Variants in GOLM1 observed in about 807,000 individuals in gnomAD.
GOLM1 encodes the protein golgi membrane protein 1, also known as epididymis luminal protein 46.
In GOLM1, 31 loss-of-function variants were observed where a neutral mutation model predicts 50.5. The observed-to-expected ratio is 0.61, with a 90% CI of 0.46 to 0.83. GOLM1 has a LOEUF of 0.83. Among genes scored for constraint, GOLM1 ranks in the 40% least tolerant of loss-of-function variants. The pLI is 0.00. For missense variants in GOLM1, 491 were observed against 501.3 expected (o/e 0.98, Z 0.20); for synonymous variants, 178 against 192.8 (o/e 0.92, Z 0.64).
chr9:86,063,757 C>A (rs560146722), intron 3 of GOLM1, among the ~76,000 whole-genome samples: 28 of 152,308 alleles, frequency 1.8e-4, no homozygotes, highest in Non-Finnish European at 3.5e-4. Flanking sequence ...AACAGCAAAA[C>A]CCAAAGCCTC....
intron 1 of GOLM1, among the ~76,000 whole-genome samples, chr9:86,099,126 G>A (rs1168499432): frequency 2.0e-5 from 3 of 152,188 alleles, no homozygotes; most frequent in African/African-American, 4.8e-5. Context: ...GAGACTGCAG[G>A]GCAGGGAATC....
At chr9:86,054,071 TCA>T (rs933074099) in intron 3 of GOLM1, among the ~76,000 whole-genome samples, 3 of 152,174 alleles carry the variant, frequency 2.0e-5, no homozygotes, top group South Asian at 2.1e-4. Flanking sequence ...CTGGAGGGTT[TCA>T]CACACAGTCT....
chr9:86,073,249 A>G (rs1265175619), intron 3 of GOLM1, among the ~76,000 whole-genome samples: 1 of 152,074 alleles, frequency 6.6e-6, no homozygotes, highest in Non-Finnish European at 1.5e-5. Context: ...ATGTATGAAT[A>G]TGTGTATGTT....
intron 3 of GOLM1, 38 bp from the exon 4 acceptor site, chr9:86,052,629 A>G: frequency 1.3e-6 from 2 of 1,575,766 alleles, no homozygotes; most frequent in Non-Finnish European, 1.7e-6. Flanking sequence ...CACCCAAACC[A>G]ACACCTCAGC....
At chr9:86,059,658 G>T (rs2118777430) in intron 3 of GOLM1, among the ~76,000 whole-genome samples, 1 of 152,180 alleles carries the variant, frequency 6.6e-6, no homozygotes, top group East Asian at 1.9e-4. Context: ...ACTTTGGGAG[G>T]CCGAGGTGGG....
intron 3 of GOLM1, among the ~76,000 whole-genome samples, chr9:86,060,912 A>AAAGAAG (rs766112636): frequency 7.8e-5 from 6 of 76,574 alleles, no homozygotes; most frequent in African/African-American, 1.2e-4. Flanking sequence ...AAAAAAAAAA[A>AAAGAAG]AAGAAGAAGA....
chr9:86,070,086 T>C (rs1834404724), intron 3 of GOLM1, among the ~76,000 whole-genome samples: 1 of 151,768 alleles, frequency 6.6e-6, no homozygotes, highest in South Asian at 2.1e-4. Context: ...GGTTTCACCA[T>C]GTTGGCGAGG....
Position 86,027,519 on chromosome 9 carries a change from C to A in GOLM1, c.*298G>T. 6.0e-6 allele frequency: 7 copies of A among 1,174,436 alleles called. No individual in the cohort carries two copies. The highest frequency in any genetic ancestry group is 7.4e-6 in the Non-Finnish European group (7 of 949,246). 72.8% of individuals were successfully genotyped at this position (1,174,436 alleles called of 1,614,324 possible). ...GTTATATTCCAGAATCAGGAAGCCC[C>A]GCTGTCGCCAACACTTGAAGGAGAA... On this transcript the variant is annotated 3_prime_UTR_variant, in exon 10 of 10. Coordinates refer to ENST00000388712, the MANE Select transcript of GOLM1 (RefSeq NM_016548.4).
In GOLM1 at chr9:86,026,652, C is replaced by CAGTT; in HGVS notation, c.*1161_*1164dup. 1.0e-6 allele frequency: 1 copy of CAGTT among 984,776 alleles called. No individual in the cohort carries two copies. The highest frequency in any genetic ancestry group is 1.2e-6 in the Non-Finnish European group (1 of 829,478). 61.0% of individuals were successfully genotyped at this position (984,776 alleles called of 1,614,324 possible). A position where few individuals can be genotyped will look rare whatever the true frequency, so the allele number is the denominator to read the frequency against. ...GGAAGTCAGTCATTAATGATGTGGCCAGTTATTTGCAAGTGGTAAGAGCCT... is the reference window on the plus strand; with the variant it reads ...GGAAGTCAGTCATTAATGATGTGGCCAGTTAGTTATTTGCAAGTGGTAAGAGCCT... On this transcript the variant is annotated 3_prime_UTR_variant, in exon 10 of 10. Coordinates refer to ENST00000388712, the MANE Select transcript of GOLM1 (RefSeq NM_016548.4).
At chr9:86,091,788 T>C (rs747953381) in intron 1 of GOLM1, among the ~76,000 whole-genome samples, 2 of 152,180 alleles carry the variant, frequency 1.3e-5, no homozygotes, top group Non-Finnish European at 2.9e-5. Flanking sequence ...GTGGGGTATA[T>C]TATAAATTTG....
chr9:86,028,170 C>T (rs1045063158), intron 9 of GOLM1, among the ~76,000 whole-genome samples: 1 of 152,160 alleles, frequency 6.6e-6, no homozygotes, highest in African/African-American at 2.4e-5. Context: ...ACAAGGACTC[C>T]TGTCTTCTTG....
chr9:86,099,876 T>A (rs1454009356), upstream of GOLM1: 1 of 152,114 alleles, frequency 6.6e-6, no homozygotes, highest in African/African-American at 2.4e-5. Flanking sequence ...GGAGCCCCCA[T>A]CCCACGTTCC....
intron 1 of GOLM1, among the ~76,000 whole-genome samples, chr9:86,080,649 G>C (rs960204685): frequency 1.3e-5 from 2 of 152,122 alleles, no homozygotes; most frequent in African/African-American, 4.8e-5. Flanking sequence ...CTACTAGTAT[G>C]GGGGCCTGCC....
chr9:86,059,146 A>G (rs1307620931), intron 3 of GOLM1, among the ~76,000 whole-genome samples: 1 of 152,240 alleles, frequency 6.6e-6, no homozygotes, highest in African/African-American at 2.4e-5. Flanking sequence ...AGTTTCTCAA[A>G]AAGTTCAACA....
intron 3 of GOLM1, among the ~76,000 whole-genome samples, chr9:86,058,691 GTC>G (rs1227922250): frequency 7.5e-5 from 8 of 107,188 alleles, no homozygotes; most frequent in African/African-American, 3.4e-4. Context: ...GCAAGACTCT[GTC>G]TCAAAAAAAA....
At chr9:86,082,574 G>T (rs1286526978) in intron 1 of GOLM1, among the ~76,000 whole-genome samples, 5 of 151,950 alleles carry the variant, frequency 3.3e-5, no homozygotes. Flanking sequence ...CCAAGTAGCT[G>T]GGACTACAGG....
At chr9:86,037,982 C>T (rs1833202785) in intron 6 of GOLM1, among the ~76,000 whole-genome samples, 1 of 151,880 alleles carries the variant, frequency 6.6e-6, no homozygotes, top group Admixed American at 6.6e-5. Flanking sequence ...TGGAGAAACC[C>T]CGATATACTA....
intron 1 of GOLM1, among the ~76,000 whole-genome samples, chr9:86,093,248 G>A (rs1835239033): frequency 6.6e-6 from 1 of 152,020 alleles, no homozygotes; most frequent in Admixed American, 6.6e-5. Flanking sequence ...ATGGTGGTGT[G>A]TGCCTGTAAT....
intron 3 of GOLM1, among the ~76,000 whole-genome samples, chr9:86,057,207 G>A (rs1834020162): frequency 6.6e-6 from 1 of 152,132 alleles, no homozygotes; most frequent in Non-Finnish European, 1.5e-5. Flanking sequence ...TCCATTCTGG[G>A]AAACAAGTAT....
Sources: allele counts gnomAD v4.1 joint callset (sites outside exome capture counted in the v4.1 genomes callset), GRCh38; gene constraint gnomAD v4.1.1; transcripts MANE v1.5; gene names NCBI Gene and HGNC (gene_info 2026-07-23, HGNC 2026-07-21).